FAM117B: variants seen among roughly 807,000 people sequenced by gnomAD.
FAM117B encodes protein FAM117B.
In FAM117B, 22 loss-of-function variants were observed where a neutral mutation model predicts 52.8. That is an observed-to-expected ratio of 0.42 (90% CI 0.30 to 0.59). The LOEUF (loss-of-function observed/expected upper bound fraction) is 0.59. Ranked by LOEUF, FAM117B falls within the 20% of genes least tolerant of loss-of-function variation. FAM117B has a pLI of 0.22. For missense variants in FAM117B, 678 were observed against 802.6 expected, an observed-to-expected ratio of 0.84 and a Z score of 1.88; for synonymous variants, 309 against 324.1, an observed-to-expected ratio of 0.95 and a Z score of 0.50.
intron 1 of FAM117B, among the ~76,000 whole-genome samples, chr2:202,683,313 G>T (rs892515920): frequency 3.3e-5 from 5 of 151,842 alleles, no homozygotes; most frequent in African/African-American, 1.2e-4. Context: ...TGGGCGACAG[G>T]GTGAGACTCT....
At chr2:202,726,054 C>T (rs1015897460) in intron 3 of FAM117B, among the ~76,000 whole-genome samples, 196 bp from the exon 4 acceptor site, 1 of 151,874 alleles carries the variant, frequency 6.6e-6, no homozygotes, top group Non-Finnish European at 1.5e-5. Context: ...AGGCTGAGAA[C>T]AATGTTGGAA....
intron 2 of FAM117B, among the ~76,000 whole-genome samples, chr2:202,721,891 C>G (rs1392227948): frequency 2.0e-5 from 3 of 151,978 alleles, no homozygotes; most frequent in Non-Finnish European, 4.4e-5. Context: ...GCCTTGGCCT[C>G]TCAAAGCACT....
At position 202,767,769 on chromosome 2, in the gene FAM117B, AG is replaced by A. The variant is rs1162444515; in HGVS notation, c.*2006del. The A allele has an allele frequency of 1.1e-4, 17 of 152,214 alleles. No homozygotes were observed. Among genetic ancestry groups the A allele is most frequent in the African/African-American group, 4.1e-4 (17 of 41,458 alleles). The allele number at this position is 152,214 out of a possible 1,614,324, so 9.4% of individuals were successfully genotyped here. A position where few individuals can be genotyped will look rare whatever the true frequency, so the allele number is the denominator to read the frequency against. On this transcript the variant is annotated 3_prime_UTR_variant, in exon 8 of 8. Coordinates refer to ENST00000392238, the MANE Select transcript of FAM117B (RefSeq NM_173511.4). ...ATAATCCCTGTTGAGTTTAAATTCG[AG>A]ATGCATTTAGGTAAATTGGATAAAT...
chr2:202,706,225 A>T (rs1199773109), intron 2 of FAM117B, among the ~76,000 whole-genome samples: 1 of 152,152 alleles, frequency 6.6e-6, no homozygotes, highest in African/African-American at 2.4e-5. Context: ...TCTTTACGGC[A>T]TAAACCAGTC....
intron 1 of FAM117B, among the ~76,000 whole-genome samples, chr2:202,665,293 C>T (rs879589983): frequency 6.6e-6 from 1 of 151,890 alleles, no homozygotes; most frequent in Non-Finnish European, 1.5e-5. Context: ...GATCCTCCCA[C>T]CTCAGCCTCC....
chr2:202,661,505 T>C (rs1690126584), intron 1 of FAM117B, among the ~76,000 whole-genome samples: 1 of 152,214 alleles, frequency 6.6e-6, no homozygotes, highest in African/African-American at 2.4e-5. Flanking sequence ...CATTTTAATA[T>C]TGAGGTTAAT....
At chr2:202,696,110 G>A in intron 2 of FAM117B, 78 bp downstream of exon 2, 1 of 1,468,800 alleles carries the variant, frequency 6.8e-7, no homozygotes, top group Non-Finnish European at 9.2e-7. Flanking sequence ...TCTGCTTTGA[G>A]TAGAACAAAC....
At chr2:202,666,576 G>T (rs1690207047) in intron 1 of FAM117B, among the ~76,000 whole-genome samples, 1 of 151,722 alleles carries the variant, frequency 6.6e-6, no homozygotes, top group African/African-American at 2.4e-5. Flanking sequence ...CTGGTGGGTG[G>T]GATGTGGGGG....
intron 4 of FAM117B, among the ~76,000 whole-genome samples, chr2:202,753,792 A>G (rs1691759058): frequency 2.0e-5 from 3 of 152,192 alleles, no homozygotes; most frequent in Admixed American, 1.3e-4. Flanking sequence ...ATCACTGATC[A>G]TCAGAGAAAT....
intron 1 of FAM117B, among the ~76,000 whole-genome samples, chr2:202,668,620 T>TAATAAATAAATA (rs60605421): frequency 4.1e-5 from 6 of 146,954 alleles, no homozygotes; most frequent in South Asian, 2.1e-4. Context: ...ATCTTGTTCC[T>TAATAAATAAATA]AATAAATAAA....
At chr2:202,647,970 C>T (rs925629006) in intron 1 of FAM117B, among the ~76,000 whole-genome samples, 1 of 152,168 alleles carries the variant, frequency 6.6e-6, no homozygotes, top group East Asian at 1.9e-4. Flanking sequence ...GAGTCTTCGC[C>T]CTCAAGGAAC....
chr2:202,750,994 G>GT (rs986559930), intron 4 of FAM117B, among the ~76,000 whole-genome samples: 17 of 152,052 alleles, frequency 1.1e-4, no homozygotes, highest in African/African-American at 3.9e-4. Context: ...GAGAAATTAG[G>GT]TGTGTAGGTT....
chr2:202,686,286 C>T (rs1014553677), intron 1 of FAM117B, among the ~76,000 whole-genome samples: 1 of 152,118 alleles, frequency 6.6e-6, no homozygotes, highest in Non-Finnish European at 1.5e-5. Flanking sequence ...GATAGTGGAA[C>T]AACTGGAGCT....
At chr2:202,732,091 T>G (rs2105789864) in intron 4 of FAM117B, among the ~76,000 whole-genome samples, 1 of 149,790 alleles carries the variant, frequency 6.7e-6, no homozygotes, top group African/African-American at 2.5e-5. Flanking sequence ...GGGTTTCACC[T>G]TGTTGGCCAG....
intron 4 of FAM117B, among the ~76,000 whole-genome samples, chr2:202,728,424 A>G (rs553895632): frequency 8.5e-5 from 13 of 152,352 alleles, no homozygotes; most frequent in African/African-American, 3.1e-4. Flanking sequence ...GAAATTTTAA[A>G]TTGACAAAAT....
intron 2 of FAM117B, among the ~76,000 whole-genome samples, chr2:202,701,273 G>T (rs756248500): frequency 1.3e-5 from 2 of 152,130 alleles, no homozygotes; most frequent in African/African-American, 2.4e-5. Context: ...ATGATTTACT[G>T]AATATTTTAA....
intron 1 of FAM117B, among the ~76,000 whole-genome samples, chr2:202,640,987 G>C (rs1689761900): frequency 6.6e-6 from 1 of 152,200 alleles, no homozygotes; most frequent in South Asian, 2.1e-4. Flanking sequence ...TTAGTTTTAT[G>C]TCTTGGCTAG....
In FAM117B at chr2:202,696,514, C is replaced by T. The variant is rs753682442; in HGVS notation, c.753+482C>T. 7.2e-5 allele frequency among the ~76,000 whole-genome samples: 11 copies of T among 152,182 alleles called. No homozygotes were observed. The East Asian group carries it at 9.7e-4, about 13-fold the overall frequency. ...CCTGGTCCTCATGAGGCCCATGGGC[C>T]GCAGGTTTTGGACAAGCTTGGTTTA... is the stretch of plus-strand genomic sequence containing the variant. On this transcript the variant is annotated intron_variant, in intron 2 of 7. Coordinates refer to ENST00000392238, the MANE Select transcript of FAM117B (RefSeq NM_173511.4).
intron 4 of FAM117B, among the ~76,000 whole-genome samples, chr2:202,754,646 T>C (rs573125527): frequency 6.6e-6 from 1 of 151,898 alleles, no homozygotes; most frequent in Admixed American, 6.6e-5. Context: ...CCCAGCACTT[T>C]GGGAGGCTGA....
Sources: gnomAD v4.1 joint callset for allele counts (sites outside exome capture counted in the v4.1 genomes callset) on GRCh38, gnomAD v4.1.1 for gene constraint, MANE v1.5 for transcripts, NCBI Gene and HGNC (gene_info 2026-07-23, HGNC 2026-07-21) for gene names.